Variants in SLC8A1 observed in about 807,000 individuals in gnomAD.
SLC8A1 encodes the protein sodium/calcium exchanger 1.
In SLC8A1, 18 loss-of-function variants were observed where a neutral mutation model predicts 68.3. That is an observed-to-expected ratio of 0.26 (90% CI 0.18 to 0.39). SLC8A1 has a LOEUF of 0.39. SLC8A1 is among the 10% of genes least tolerant of loss of function. The pLI is 1.00. For missense variants in SLC8A1, 985 were observed against 1,156.7 expected, an observed-to-expected ratio of 0.85 and a Z score of 2.15; for synonymous variants, 475 against 415.5, an observed-to-expected ratio of 1.14 and a Z score of -1.74.
At chr2:40,110,057 G>T (rs1180153493) in exon 8 of SLC8A1, 1 of 152,162 alleles carries the variant, frequency 6.6e-6, no homozygotes, top group Non-Finnish European at 1.5e-5. Flanking sequence ...AATGTGGACA[G>T]CCTCTGAGTA....
intron 2 of SLC8A1, chr2:40,208,480 GGA>G (rs1269460554): frequency 6.6e-6 from 1 of 152,182 alleles, no homozygotes; most frequent in African/African-American, 2.4e-5. Flanking sequence ...GGGAGGGAAT[GGA>G]GAGAGATTCT....
At chr2:40,182,116 T>G (rs1248900046) in intron 2 of SLC8A1, among the ~76,000 whole-genome samples, 2 of 145,782 alleles carry the variant, frequency 1.4e-5, no homozygotes, top group Non-Finnish European at 3.0e-5. Flanking sequence ...CCATTTTGGC[T>G]GTTCTGTTCT....
intron 2 of SLC8A1, among the ~76,000 whole-genome samples, chr2:40,359,873 A>G (rs1398906800): frequency 6.6e-6 from 1 of 151,968 alleles, no homozygotes; most frequent in Non-Finnish European, 1.5e-5. Flanking sequence ...ATTAAAAATC[A>G]ACATCTCATC....
intron 2 of SLC8A1, among the ~76,000 whole-genome samples, chr2:40,375,587 A>T (rs1482527649): frequency 3.3e-5 from 5 of 152,154 alleles, no homozygotes. Flanking sequence ...GATAGAATTA[A>T]GTAAAGTTGG....
intron 7 of SLC8A1, among the ~76,000 whole-genome samples, chr2:40,132,892 G>A (rs1194953703): frequency 2.0e-5 from 3 of 152,154 alleles, no homozygotes; most frequent in South Asian, 2.1e-4. Flanking sequence ...TTTTAAAAAT[G>A]TTCCTTCTCT....
Position 40,388,717 on chromosome 2 carries a change from T to C in SLC8A1, c.1808+39756A>G, listed in dbSNP as rs922548393. 9.2e-5 allele frequency among the ~76,000 whole-genome samples: 14 copies of C among 152,310 alleles called. No individual in the cohort carries two copies. The South Asian group carries it at 1.9e-3, about 20-fold the overall frequency. ...AAATCAAATAACGCAAAGTGAACAATGCTCTTTTGGTGATGTGCAAAACAA... is the reference window on the plus strand; with the variant it reads ...AAATCAAATAACGCAAAGTGAACAACGCTCTTTTGGTGATGTGCAAAACAA... On this transcript the variant is annotated intron_variant, in intron 2 of 7. Coordinates refer to ENST00000406785, the Ensembl canonical transcript of SLC8A1.
rs553685115 is a variant in SLC8A1 at position 40,315,063 on chromosome 2, T to C, written c.1808+113410A>G. ...TGAGAGCCAAGACATCCTTGCTTTA[T>C]TCCCAATATTAGGAGAGAAGCATTC... On this transcript the variant is annotated intron_variant, in intron 2 of 7. Transcript: ENST00000406785. Among the ~76,000 whole-genome samples the C allele has an allele frequency of 3.9e-5, 6 of 152,148 alleles. No homozygotes were observed. The East Asian group carries it at 1.2e-3, about 29-fold the overall frequency.
chr2:40,362,494 T>C (rs1575704867), intron 2 of SLC8A1, among the ~76,000 whole-genome samples: 1 of 152,158 alleles, frequency 6.6e-6, no homozygotes, highest in South Asian at 2.1e-4. Context: ...TTTTTTAATA[T>C]ATAGGGTAGC....
At chr2:40,383,804 G>A (rs747525625) in intron 2 of SLC8A1, among the ~76,000 whole-genome samples, 1 of 152,054 alleles carries the variant, frequency 6.6e-6, no homozygotes, top group Admixed American at 6.6e-5. Flanking sequence ...AGATGCATAC[G>A]TGTGATAGGG....
chr2:40,127,396 T>A lies in SLC8A1; in HGVS notation c.2438-11767A>T, dbSNP rs138258045. On this transcript the variant is annotated intron_variant, in intron 7 of 7. Transcript: ENST00000406785. Reference sequence around the variant, plus strand: ...CCTCAAACCAAGTGCTGGTTCCCCTTGAGCAACCAGAACTGCAGTCTTCTA... The same window carrying A: ...CCTCAAACCAAGTGCTGGTTCCCCTAGAGCAACCAGAACTGCAGTCTTCTA... Among the ~76,000 whole-genome samples, 45 of 152,314 alleles carry A rather than the reference T, an allele frequency of 3.0e-4. 1 individual carries two copies. The highest frequency in any genetic ancestry group is 5.1e-4 in the Non-Finnish European group (35 of 68,028).
chr2:40,151,050 A>G (rs1008032389), intron 6 of SLC8A1, among the ~76,000 whole-genome samples: 1 of 152,208 alleles, frequency 6.6e-6, no homozygotes, highest in African/African-American at 2.4e-5. Flanking sequence ...GATCATCATT[A>G]TCAGCTACAT....
intron 2 of SLC8A1, among the ~76,000 whole-genome samples, chr2:40,338,862 C>G (rs1292682730): frequency 6.6e-6 from 1 of 152,048 alleles, no homozygotes; most frequent in Admixed American, 6.6e-5. Flanking sequence ...TATTTGAAAA[C>G]AGCGTGCTGT....
intron 2 of SLC8A1, among the ~76,000 whole-genome samples, chr2:40,410,989 C>T (rs1327448871): frequency 1.3e-5 from 2 of 151,994 alleles, no homozygotes; most frequent in African/African-American, 4.8e-5. Context: ...TGCAATACAG[C>T]TGCAGGCTTG....
At chr2:40,397,187 T>A (rs1199284835) in intron 2 of SLC8A1, among the ~76,000 whole-genome samples, 3 of 152,166 alleles carry the variant, frequency 2.0e-5, no homozygotes, top group African/African-American at 7.2e-5. Context: ...TCCAAGAAGG[T>A]GTCTGACTCC....
At position 40,501,192 on chromosome 2, in the gene SLC8A1, C is replaced by A. The variant is rs370484002; in HGVS notation, c.-25+11157G>T. 8.1e-4 allele frequency among the ~76,000 whole-genome samples: 123 copies of A among 152,134 alleles called. 1 individual carries two copies. Among genetic ancestry groups the A allele is most frequent in the East Asian group, 1.9e-3 (10 of 5,162 alleles). On this transcript the variant is annotated intron_variant, in intron 1 of 7. Transcript: ENST00000402441. ...ATTTTATTTCCTGTGATCACCTTATCTAAAACTGCTTTCTTTTCTCTATCC... is the reference window on the plus strand; with the variant it reads ...ATTTTATTTCCTGTGATCACCTTATATAAAACTGCTTTCTTTTCTCTATCC...
intron 2 of SLC8A1, among the ~76,000 whole-genome samples, chr2:40,303,372 C>A (rs114944820): frequency 0.017 from 2,512 of 152,216 alleles, 60 homozygotes; most frequent in African/African-American, 0.058. Context: ...GGGGCCAGCA[C>A]TGGCTGGGGA....
intron 2 of SLC8A1, among the ~76,000 whole-genome samples, chr2:40,296,503 A>G (rs2070413716): frequency 1.3e-5 from 2 of 152,222 alleles, no homozygotes; most frequent in African/African-American, 2.4e-5. Flanking sequence ...TGAAGTTCCC[A>G]AAGCCAAAAT....
chr2:40,410,036 G>A (rs1034397510), intron 2 of SLC8A1, among the ~76,000 whole-genome samples: 3 of 151,562 alleles, frequency 2.0e-5, no homozygotes, highest in African/African-American at 7.3e-5. Flanking sequence ...AGGAATACAG[G>A]GAAAAAAGGG....
chr2:40,212,575 G>A (rs2056804836), intron 2 of SLC8A1, among the ~76,000 whole-genome samples: 1 of 152,238 alleles, frequency 6.6e-6, no homozygotes, highest in South Asian at 2.1e-4. Context: ...GAGCCACCAT[G>A]CCTGGCCGAG....
Sources: allele counts gnomAD v4.1 joint callset (sites outside exome capture counted in the v4.1 genomes callset), GRCh38; gene constraint gnomAD v4.1.1; transcripts MANE v1.5; gene names NCBI Gene and HGNC (gene_info 2026-07-23, HGNC 2026-07-21).